The following CNGB3 variants were observed in gnomAD, a reference collection of about 807,000 sequenced individuals.
CNGB3 encodes cyclic nucleotide-gated channel beta-3.
CNGB3 carries 86 observed loss-of-function variants against 92.8 expected under a neutral mutation model. The ratio of observed to expected loss-of-function variants is 0.93; its 90% CI spans 0.78 to 1.11. The LOEUF (loss-of-function observed/expected upper bound fraction) is 1.11, where lower values mean the gene tolerates loss of function less well. Ranked by LOEUF, CNGB3 falls within the 50% of genes least tolerant of loss-of-function variation. The pLI, the probability that CNGB3 is intolerant of heterozygous loss-of-function variation, is 0.00. For synonymous variants in CNGB3, 333 were observed against 332.7 expected (o/e 1.00, Z -0.01); for missense variants, 1,026 against 956.8 (o/e 1.07, Z -0.95).
chr8:86,635,077 T>G (rs1823037285), intron 10 of CNGB3, among the ~76,000 whole-genome samples: 1 of 152,056 alleles, frequency 6.6e-6, no homozygotes, highest in Non-Finnish European at 1.5e-5. Flanking sequence ...ACTGTATAAT[T>G]TTTTTCTAGC....
chr8:86,726,388 C>A, intron 3 of CNGB3, 143 bp downstream of exon 3: 1 of 1,175,370 alleles, frequency 8.5e-7, no homozygotes, highest in Non-Finnish European at 1.3e-6. Context: ...CCTTTTAGTT[C>A]TGACACAGTT....
At chr8:86,743,259 T>C (rs998824903) in intron 1 of CNGB3, among the ~76,000 whole-genome samples, 1 of 152,262 alleles carries the variant, frequency 6.6e-6, no homozygotes, top group African/African-American at 2.4e-5. Context: ...AAATCAGCAA[T>C]GAGAAGTCTT....
At chr8:86,622,603 A>G (rs1003296098) in intron 13 of CNGB3, among the ~76,000 whole-genome samples, 1 of 152,048 alleles carries the variant, frequency 6.6e-6, no homozygotes, top group Non-Finnish European at 1.5e-5. Context: ...TTCCACCATT[A>G]CAGAATAATT....
chr8:86,607,500 C>A (rs1432606668), intron 14 of CNGB3, among the ~76,000 whole-genome samples: 2 of 152,048 alleles, frequency 1.3e-5, no homozygotes, highest in African/African-American at 4.8e-5. Context: ...TCAAGGGCAC[C>A]CCAACAGAAA....
intron 5 of CNGB3, among the ~76,000 whole-genome samples, chr8:86,667,479 A>ATGTTCCTCATACAG (rs1204542663): frequency 1.3e-5 from 2 of 152,344 alleles, no homozygotes; most frequent in East Asian, 3.9e-4. Context: ...CACTGCAGCC[A>ATGTTCCTCATACAG]CAGATCTTTA....
chr8:86,676,495 A>G (rs780594598), intron 3 of CNGB3, among the ~76,000 whole-genome samples: 5 of 152,222 alleles, frequency 3.3e-5, no homozygotes, highest in Non-Finnish European at 7.3e-5. Context: ...GAACCATGGC[A>G]GAATTCTAAG....
At chr8:86,739,802 A>G (rs1329953697) in intron 1 of CNGB3, 66 bp from the exon 2 acceptor site, 3 of 1,537,060 alleles carry the variant, frequency 2.0e-6, no homozygotes, top group Non-Finnish European at 1.8e-6. Context: ...AATGTAAAAC[A>G]TAACACCATT....
At chr8:86,643,651 G>T in intron 10 of CNGB3, 100 bp downstream of exon 10, 2 of 1,322,828 alleles carry the variant, frequency 1.5e-6, no homozygotes, top group Non-Finnish European at 2.1e-6. Flanking sequence ...CCATTGAATG[G>T]GTTATGACAG....
chr8:86,591,667 G>A (rs1383592291), intron 15 of CNGB3, among the ~76,000 whole-genome samples: 1 of 152,218 alleles, frequency 6.6e-6, no homozygotes, highest in Non-Finnish European at 1.5e-5. Flanking sequence ...TCAGGGGTGA[G>A]GGACCCACTT....
Position 86,671,118 on chromosome 8 carries a change from G to A in CNGB3, c.339-20C>T, listed in dbSNP as rs1167601505. 3.1e-6 allele frequency: 5 copies of A among 1,612,312 alleles called. No individual in the cohort carries two copies. Among genetic ancestry groups the A allele is most frequent in the Non-Finnish European group, 4.2e-6 (5 of 1,179,770 alleles). On this transcript the variant is annotated intron_variant, in intron 3 of 17. Transcript: ENST00000320005. ...TGTGGGCTAAATGAGAAAAAAAATG[G>A]CAATAGAGATGGGCCCATGAAGAAA... is the stretch of plus-strand genomic sequence containing the variant.
chr8:86,645,514 A>C (rs1485973468), intron 8 of CNGB3, among the ~76,000 whole-genome samples: 1 of 151,344 alleles, frequency 6.6e-6, no homozygotes, highest in East Asian at 1.9e-4. Context: ...GGTTGTGTGC[A>C]TACATGAGTT....
At chr8:86,595,784 C>T (rs10094870) in intron 15 of CNGB3, among the ~76,000 whole-genome samples, 98,681 of 151,974 alleles carry the variant, frequency 0.65, 34,562 homozygotes, top group Non-Finnish European at 0.78. Flanking sequence ...TCCTCTGGTA[C>T]TCCAATTTTA....
intron 2 of CNGB3, among the ~76,000 whole-genome samples, chr8:86,730,064 A>G (rs1292124838): frequency 2.6e-5 from 4 of 152,158 alleles, no homozygotes; most frequent in African/African-American, 4.8e-5. Context: ...GAATGTGCAA[A>G]AAATAAGTAG....
intron 12 of CNGB3, among the ~76,000 whole-genome samples, chr8:86,627,044 C>A (rs1220829952): frequency 6.6e-6 from 1 of 151,908 alleles, no homozygotes; most frequent in African/African-American, 2.4e-5. Flanking sequence ...ACGTTTGTTC[C>A]CCTCCAGAAA....
chr8:86,724,465 A>T (rs999365907), intron 3 of CNGB3, among the ~76,000 whole-genome samples: 4 of 152,116 alleles, frequency 2.6e-5, no homozygotes, highest in Non-Finnish European at 5.9e-5. Context: ...ATATGTTTGG[A>T]TCAATCAATT....
chr8:86,662,987 G>T (rs1823673809), intron 6 of CNGB3, among the ~76,000 whole-genome samples: 1 of 152,128 alleles, frequency 6.6e-6, no homozygotes, highest in African/African-American at 2.4e-5. Flanking sequence ...TCAAGTTAAT[G>T]CTATTAGCAA....
chr8:86,655,802 G>A (rs1458756969), intron 6 of CNGB3, among the ~76,000 whole-genome samples: 1 of 152,126 alleles, frequency 6.6e-6, no homozygotes, highest in Non-Finnish European at 1.5e-5. Context: ...AGTGGCATTT[G>A]TTAATATTCA....
intron 17 of CNGB3, among the ~76,000 whole-genome samples, chr8:86,577,760 C>G (rs2131531156): frequency 6.6e-6 from 1 of 152,294 alleles, no homozygotes; most frequent in East Asian, 1.9e-4. Flanking sequence ...GAAGGCACAT[C>G]ACAGCATTTT....
intron 15 of CNGB3, among the ~76,000 whole-genome samples, chr8:86,593,065 C>T (rs912534693): frequency 6.6e-6 from 1 of 150,792 alleles, no homozygotes; most frequent in Non-Finnish European, 1.5e-5. Flanking sequence ...CACATGTTAG[C>T]CTAGATTTTT....
Sources: gnomAD v4.1 joint callset for allele counts (sites outside exome capture counted in the v4.1 genomes callset) on GRCh38, gnomAD v4.1.1 for gene constraint, MANE v1.5 for transcripts, NCBI Gene and HGNC (gene_info 2026-07-23, HGNC 2026-07-21) for gene names.